Variants in NTN1 observed in about 807,000 individuals in gnomAD.
NTN1 encodes the protein netrin-1.
Under a neutral mutation model 54.2 loss-of-function variants are expected in NTN1, and 11 were observed. That is an observed-to-expected ratio of 0.20 (90% CI 0.13 to 0.34). NTN1 has a LOEUF of 0.34. NTN1 is among the 10% of genes least tolerant of loss of function. The pLI, the probability that NTN1 is intolerant of heterozygous loss-of-function variation, is 1.00. For missense variants in NTN1, 740 were observed against 893.1 expected (o/e 0.83, Z 2.18); for synonymous variants, 371 against 382.0 (o/e 0.97, Z 0.33).
In NTN1 at chr17:9,117,428, C is replaced by T. The variant is rs531751957; in HGVS notation, c.1019-45385C>T. Among the ~76,000 whole-genome samples, 49 of 152,278 alleles carry T rather than the reference C, an allele frequency of 3.2e-4. 1 individual carries two copies. In the South Asian group the frequency reaches 1.0e-2, roughly 31 times the overall value. On this transcript the variant is annotated intron_variant, in intron 2 of 6. Transcript: ENST00000173229. ...GTTCACAGTGTCACTGGCCCTGGGT[C>T]TGCACCTGGACCAAGTAAAGCATTA...
At chr17:9,095,034 A>G (rs978301349) in intron 2 of NTN1, among the ~76,000 whole-genome samples, 2 of 150,818 alleles carry the variant, frequency 1.3e-5, no homozygotes, top group Non-Finnish European at 2.9e-5. Context: ...TTAAGTTTTA[A>G]AAGTATGCAT....
At chr17:9,090,463 C>T (rs759444257) in intron 2 of NTN1, among the ~76,000 whole-genome samples, 19 of 152,204 alleles carry the variant, frequency 1.2e-4, no homozygotes, top group African/African-American at 4.1e-4. Flanking sequence ...TGTGAGCCAC[C>T]GCGCCTGGCC....
At chr17:9,088,665 G>A (rs1041772459) in intron 2 of NTN1, among the ~76,000 whole-genome samples, 4 of 152,172 alleles carry the variant, frequency 2.6e-5, no homozygotes, top group African/African-American at 9.7e-5. Flanking sequence ...TGCCACAGAT[G>A]GAGGATTTTT....
Position 9,240,160 on chromosome 17 carries a change from T to A in NTN1, c.*192T>A. The A allele has an allele frequency of 4.6e-6, 1 of 216,396 alleles. No homozygotes were observed. The highest frequency in any genetic ancestry group is 8.0e-6 in the Non-Finnish European group (1 of 125,300). The allele number at this position is 216,396 out of a possible 1,614,324, so 13.4% of individuals were successfully genotyped here. On this transcript the variant is annotated 3_prime_UTR_variant, in exon 7 of 7. Transcript: ENST00000173229. ...CCCCCTACCCCCACCCTGCGCGCTCTGGGCGGGAGCCGCGTGCACGCGGGG... is the reference window on the plus strand; with the variant it reads ...CCCCCTACCCCCACCCTGCGCGCTCAGGGCGGGAGCCGCGTGCACGCGGGG...
intron 2 of NTN1, among the ~76,000 whole-genome samples, chr17:9,161,867 T>A (rs1032562401): frequency 2.6e-5 from 4 of 152,164 alleles, no homozygotes; most frequent in African/African-American, 9.7e-5. Context: ...ACAGGGAACC[T>A]GAGGGCAGGA....
chr17:9,141,151 AGAT>A (rs1389785088), intron 2 of NTN1, among the ~76,000 whole-genome samples: 2 of 151,930 alleles, frequency 1.3e-5, no homozygotes, highest in African/African-American at 4.8e-5. Context: ...AGCTCAAAGA[AGAT>A]GTGGGGACTA....
At chr17:9,057,989 G>A (rs1215490191) in intron 2 of NTN1, among the ~76,000 whole-genome samples, 2 of 152,194 alleles carry the variant, frequency 1.3e-5, no homozygotes, top group African/African-American at 2.4e-5. Flanking sequence ...CTGGATTCTA[G>A]CGATTCTCCT....
At chr17:9,040,967 C>A (rs1481582007) in intron 2 of NTN1, among the ~76,000 whole-genome samples, 2 of 151,930 alleles carry the variant, frequency 1.3e-5, no homozygotes, top group Non-Finnish European at 2.9e-5. Flanking sequence ...GTGCACCATG[C>A]CCAGCTAATT....
In NTN1 at chr17:9,167,560, C is replaced by T. The variant is rs150125087; in HGVS notation, c.1207+4559C>T. The stretch of plus-strand genomic sequence containing the variant: ...TGTTTCCTTCTCTCATTGTCTTTCC[C>T]CCTTTCAAGCCCACAGTTCGTGTGG... On this transcript the variant is annotated intron_variant, in intron 3 of 6. Transcript: ENST00000173229. Among the ~76,000 whole-genome samples the T allele has an allele frequency of 6.6e-5, 10 of 152,304 alleles. No individual in the cohort carries two copies. In the East Asian group the frequency reaches 1.9e-3, roughly 29 times the overall value.
chr17:9,100,456 C>T (rs561314039), intron 2 of NTN1, among the ~76,000 whole-genome samples: 11 of 152,104 alleles, frequency 7.2e-5, no homozygotes, highest in African/African-American at 2.4e-4. Context: ...TGCCACCATG[C>T]CCAGCCAAAT....
At chr17:9,166,949 C>A (rs960873055) in intron 3 of NTN1, among the ~76,000 whole-genome samples, 1 of 152,190 alleles carries the variant, frequency 6.6e-6, no homozygotes, top group Non-Finnish European at 1.5e-5. Context: ...CATCAGATTC[C>A]AAACATTACT....
intron 4 of NTN1, among the ~76,000 whole-genome samples, chr17:9,182,434 C>T (rs1183797535): frequency 6.6e-6 from 1 of 152,264 alleles, no homozygotes; most frequent in Non-Finnish European, 1.5e-5. Flanking sequence ...GCTGCCAACA[C>T]TTCTCTGCAC....
chr17:9,054,804 C>T (rs1567699410), intron 2 of NTN1, among the ~76,000 whole-genome samples: 1 of 152,098 alleles, frequency 6.6e-6, no homozygotes. Context: ...CCCAGCCGGG[C>T]AGCACAGCGA....
intron 2 of NTN1, among the ~76,000 whole-genome samples, chr17:9,086,707 A>G (rs2092091098): frequency 2.0e-5 from 3 of 152,094 alleles, no homozygotes; most frequent in South Asian, 4.1e-4. Context: ...ACTGTCATCA[A>G]TATCACTATC....
At chr17:9,005,480 C>T in the NTN1 span, among the ~76,000 whole-genome samples, 1 of 152,020 alleles carries the variant, frequency 6.6e-6, no homozygotes, top group Non-Finnish European at 1.5e-5. Flanking sequence ...CACCGCTGCC[C>T]CACAGCTTCC....
At chr17:9,196,589 G>A (rs1347533869) in intron 5 of NTN1, among the ~76,000 whole-genome samples, 1 of 152,242 alleles carries the variant, frequency 6.6e-6, no homozygotes, top group African/African-American at 2.4e-5. Flanking sequence ...CCTTGTCTTT[G>A]CCATCCAGGG....
At position 9,228,625 on chromosome 17, in the gene NTN1, G is replaced by A. The variant is rs558268318; in HGVS notation, c.1486+7383G>A. ...CTGCCAGTTCTTGGAAAAGTTATTC[G>A]TTCCCAGAAATGTTTATTAGTCACC... On this transcript the variant is annotated intron_variant, in intron 6 of 6. Transcript: ENST00000173229. Among the ~76,000 whole-genome samples, 8 of 152,268 alleles carry A rather than the reference G, an allele frequency of 5.3e-5. No homozygotes were observed. The East Asian group carries it at 1.2e-3, about 22-fold the overall frequency.
At chr17:9,071,476 G>T (rs1289109544) in intron 2 of NTN1, among the ~76,000 whole-genome samples, 5 of 150,072 alleles carry the variant, frequency 3.3e-5, no homozygotes, top group South Asian at 2.1e-4. Context: ...TTTAAAATAT[G>T]AAGTTTAAAA....
chr17:9,189,519 T>C (rs1904393494), intron 5 of NTN1, among the ~76,000 whole-genome samples: 2 of 152,072 alleles, frequency 1.3e-5, no homozygotes, highest in Non-Finnish European at 2.9e-5. Context: ...GCCTGGCTAA[T>C]TTTTGTATTT....
Sources: allele counts gnomAD v4.1 joint callset (sites outside exome capture counted in the v4.1 genomes callset), GRCh38; gene constraint gnomAD v4.1.1; transcripts MANE v1.5; gene names NCBI Gene and HGNC (gene_info 2026-07-23, HGNC 2026-07-21).